HTR2C: variants seen among roughly 807,000 people sequenced by gnomAD.
The protein encoded by HTR2C is 5-hydroxytryptamine (serotonin) receptor 2C, G protein-coupled.
A neutral mutation model predicts 21.0 loss-of-function variants in HTR2C; 5 were observed. That is an observed-to-expected ratio of 0.24 (90% CI 0.12 to 0.50). HTR2C has a LOEUF of 0.50. Among genes scored for constraint, HTR2C ranks in the 20% least tolerant of loss-of-function variants. The pLI, the probability that HTR2C is intolerant of heterozygous loss-of-function variation, is 0.98. For synonymous variants in HTR2C, 150 were observed against 145.3 expected (o/e 1.03, Z -0.23); for missense variants, 271 against 371.2 (o/e 0.73, Z 2.22).
chrX:114,831,151 T>G (rs2070722866), intron 4 of HTR2C, among the ~76,000 whole-genome samples: 1 of 95,512 alleles, frequency 1.0e-5, no homozygotes. Context: ...AATGCCGCAA[T>G]AAACATACAT....
chrX:114,776,431 A>T lies in HTR2C; in HGVS notation c.349+44824A>T, dbSNP rs1451344605. The T allele has an allele frequency of 1.9e-5, 14 of 724,331 alleles. No homozygotes were observed. In the Admixed American group the frequency reaches 2.9e-4, roughly 15 times the overall value. 59.7% of individuals were successfully genotyped at this position (724,331 alleles called of 1,213,427 possible). On this transcript the variant is annotated intron_variant, in intron 4 of 5. Coordinates refer to ENST00000276198, the MANE Select transcript of HTR2C (RefSeq NM_000868.4). ...GGACCATAGAGGACACCTCCTCTGG[A>T]TAGAAGATTTTGGTCTCTCCCTTGT...
intron 2 of HTR2C, among the ~76,000 whole-genome samples, chrX:114,722,353 C>T (rs376374222): frequency 1.7e-3 from 189 of 111,136 alleles, no homozygotes; most frequent in African/African-American, 4.9e-3. Context: ...GTGATTTTTG[C>T]ACATTGATTT....
rs1376091101 is a variant in HTR2C at position 114,909,008 on chromosome X, T to C, written c.*1593T>C. 1 of 112,359 alleles carries C rather than the reference T, an allele frequency of 8.9e-6. No individual in the cohort carries two copies. The highest frequency in any genetic ancestry group is 1.9e-5 in the Non-Finnish European group (1 of 53,252). 9.3% of individuals were successfully genotyped at this position (112,359 alleles called of 1,213,427 possible). ...CTCTCAGTATCTTAAAATTGGTTAA[T>C]GAAAAATCTGAATTTCTAAAACCCT... is the stretch of plus-strand genomic sequence containing the variant. On this transcript the variant is annotated 3_prime_UTR_variant, in exon 6 of 6. Transcript: ENST00000276198.
intron 5 of HTR2C, among the ~76,000 whole-genome samples, chrX:114,848,604 C>T (rs1315997191): frequency 9.0e-6 from 1 of 110,749 alleles, no homozygotes; most frequent in Non-Finnish European, 1.9e-5. Flanking sequence ...GAATATTAAC[C>T]TTAGTATTTT....
intron 4 of HTR2C, among the ~76,000 whole-genome samples, chrX:114,770,736 T>C (rs1350646506): frequency 1.1e-4 from 12 of 109,761 alleles, no homozygotes; most frequent in African/African-American, 3.6e-4. Context: ...ACACTTTCTA[T>C]TGACTTCTTT....
chrX:114,677,673 A>G (rs1003632188), intron 2 of HTR2C, among the ~76,000 whole-genome samples: 9 of 111,850 alleles, frequency 8.0e-5, no homozygotes, highest in Admixed American at 5.7e-4. Flanking sequence ...TTCCTCATTA[A>G]CAATAGATCA....
chrX:114,768,410 C>T (rs1020667277), intron 4 of HTR2C, among the ~76,000 whole-genome samples: 1 of 110,322 alleles, frequency 9.1e-6, no homozygotes, highest in Non-Finnish European at 1.9e-5. Context: ...TAAACCAAAC[C>T]CCTATTTACA....
chrX:114,837,360 A>T (rs2070796125), intron 4 of HTR2C, among the ~76,000 whole-genome samples: 1 of 111,882 alleles, frequency 8.9e-6, no homozygotes, highest in African/African-American at 3.2e-5. Flanking sequence ...ATCTCTTTAG[A>T]TGTAGATTTA....
chrX:114,895,771 T>A (rs1226849661), intron 5 of HTR2C, among the ~76,000 whole-genome samples: 2 of 111,427 alleles, frequency 1.8e-5, no homozygotes, highest in Non-Finnish European at 3.8e-5. Context: ...GCGGATCACA[T>A]GAGGTCAGGA....
chrX:114,752,530 C>T (rs1556428357), intron 4 of HTR2C, among the ~76,000 whole-genome samples: 1 of 111,200 alleles, frequency 9.0e-6, no homozygotes, highest in African/African-American at 3.3e-5. Flanking sequence ...TTGATTAGTG[C>T]AATTCACCGA....
chrX:114,690,751 G>C (rs1556415008), intron 2 of HTR2C, among the ~76,000 whole-genome samples: 1 of 111,008 alleles, frequency 9.0e-6, no homozygotes, highest in South Asian at 3.7e-4. Flanking sequence ...AACTCAATAC[G>C]GATTAAAAAC....
chrX:114,689,998 A>C (rs1393123743), intron 2 of HTR2C, among the ~76,000 whole-genome samples: 1 of 111,490 alleles, frequency 9.0e-6, no homozygotes, highest in Non-Finnish European at 1.9e-5. Flanking sequence ...CTGGAGACAC[A>C]CTTCATTTTT....
At chrX:114,660,700 A>G (rs781824165) in intron 2 of HTR2C, among the ~76,000 whole-genome samples, 1 of 112,459 alleles carries the variant, frequency 8.9e-6, no homozygotes, top group South Asian at 3.6e-4. Context: ...TCCTTATAAT[A>G]GATTTGAAGT....
chrX:114,613,171 T>A (rs1246242738), intron 1 of HTR2C, among the ~76,000 whole-genome samples: 2 of 110,786 alleles, frequency 1.8e-5, no homozygotes, highest in South Asian at 3.8e-4. Context: ...ACCCCTGACC[T>A]CAAGTGATCC....
At position 114,817,449 on chromosome X, in the gene HTR2C, G is replaced by T. The variant is rs781949955; in HGVS notation, c.350-30554G>T. 9.8e-5 allele frequency among the ~76,000 whole-genome samples: 11 copies of T among 112,108 alleles called. No individual in the cohort carries two copies. In the South Asian group the frequency reaches 1.1e-3, roughly 11 times the overall value. On this transcript the variant is annotated intron_variant, in intron 4 of 5. Transcript: ENST00000276198. ...ATTCTCTCCTTCATAAAAGCAGTAA[G>T]AAAATTTACAGAAATTCTCTGAATC...
At chrX:114,611,092 T>C (rs1309557671) in intron 1 of HTR2C, among the ~76,000 whole-genome samples, 1 of 112,123 alleles carries the variant, frequency 8.9e-6, no homozygotes, top group Non-Finnish European at 1.9e-5. Flanking sequence ...GTTTTAGTGT[T>C]AAATATCTCA....
chrX:114,732,422 T>C (rs2069545916), intron 4 of HTR2C, among the ~76,000 whole-genome samples: 1 of 110,983 alleles, frequency 9.0e-6, no homozygotes, highest in Non-Finnish European at 1.9e-5. Context: ...TAAAATAGAC[T>C]TCCAGTTGCC....
chrX:114,869,533 A>G, intron 5 of HTR2C, among the ~76,000 whole-genome samples: 1 of 112,466 alleles, frequency 8.9e-6, no homozygotes, highest in Admixed American at 9.4e-5. Flanking sequence ...ACTTTACTAA[A>G]TTTGTTTATC....
intron 1 of HTR2C, among the ~76,000 whole-genome samples, chrX:114,611,722 G>T (rs1293245404): frequency 9.0e-6 from 1 of 111,730 alleles, no homozygotes; most frequent in Non-Finnish European, 1.9e-5. Context: ...TTTTGAGACG[G>T]AGTCTCGCTC....
Sources: allele counts gnomAD v4.1 joint callset (sites outside exome capture counted in the v4.1 genomes callset), GRCh38; gene constraint gnomAD v4.1.1; transcripts MANE v1.5; gene names NCBI Gene and HGNC (gene_info 2026-07-23, HGNC 2026-07-21).